Variants in SHC4 observed in about 807,000 individuals in gnomAD.
The protein encoded by SHC4 is SHC adaptor protein 4.
SHC4 carries 41 observed loss-of-function variants against 69.4 expected under a neutral mutation model. That is an observed-to-expected ratio of 0.59 (90% CI 0.46 to 0.77). The LOEUF is 0.77. Among genes scored for constraint, SHC4 ranks in the 30% least tolerant of loss-of-function variants. The pLI, the probability that SHC4 is intolerant of heterozygous loss-of-function variation, is 0.00. For synonymous variants in SHC4, 318 were observed against 299.3 expected (o/e 1.06, Z -0.64); for missense variants, 777 against 783.8 (o/e 0.99, Z 0.10).
chr15:48,953,929 T>C (rs1342378087), intron 1 of SHC4, among the ~76,000 whole-genome samples: 1 of 152,182 alleles, frequency 6.6e-6, no homozygotes, highest in African/African-American at 2.4e-5. Flanking sequence ...ACTATAATTT[T>C]TAGAGAATCT....
chr15:48,935,140 A>T (rs1028079457), intron 1 of SHC4, among the ~76,000 whole-genome samples: 1 of 152,238 alleles, frequency 6.6e-6, no homozygotes. Context: ...CCAAACAAGC[A>T]ATATCTGCAG....
At chr15:48,937,119 T>G (rs1023851571) in intron 1 of SHC4, among the ~76,000 whole-genome samples, 6 of 152,256 alleles carry the variant, frequency 3.9e-5, no homozygotes, top group African/African-American at 1.4e-4. Flanking sequence ...ATTCATCATG[T>G]GCCTTTGCAC....
intron 11 of SHC4, among the ~76,000 whole-genome samples, chr15:48,830,987 G>A (rs952826525): frequency 6.6e-6 from 1 of 152,076 alleles, no homozygotes; most frequent in African/African-American, 2.4e-5. Flanking sequence ...TCCTGCCCCT[G>A]TCTAGTGCTA....
chr15:48,841,942 C>G (rs770106279), intron 10 of SHC4, among the ~76,000 whole-genome samples: 5 of 152,138 alleles, frequency 3.3e-5, no homozygotes, highest in Admixed American at 6.5e-5. Flanking sequence ...TAAATTTTGT[C>G]TTGCATTGTA....
In SHC4 at chr15:48,836,568, A is replaced by T. The variant is rs536090431; in HGVS notation, c.1484-1546T>A. On this transcript the variant is annotated intron_variant, in intron 10 of 11. Transcript: ENST00000332408. ...TGTTTCTTTTTTTTTGTTTTTTTTT[A>T]AACACAAAGCGTCTTTGAAATAGAA... Among the ~76,000 whole-genome samples, 5 of 151,428 alleles carry T rather than the reference A, an allele frequency of 3.3e-5. No individual in the cohort carries two copies. In the South Asian group the frequency reaches 8.3e-4, roughly 25 times the overall value.
intron 2 of SHC4, among the ~76,000 whole-genome samples, chr15:48,922,576 G>C (rs1015793504): frequency 1.3e-5 from 2 of 152,264 alleles, no homozygotes; most frequent in African/African-American, 4.8e-5. Flanking sequence ...AATCCCACTC[G>C]TGAGGGCTCT....
intron 1 of SHC4, among the ~76,000 whole-genome samples, chr15:48,956,501 T>C (rs1373442894): frequency 6.6e-6 from 1 of 152,164 alleles, no homozygotes; most frequent in Non-Finnish European, 1.5e-5. Context: ...CCAAGTCCAG[T>C]CAGACCTAGC....
chr15:48,883,038 CA>C (rs1899972419), intron 4 of SHC4, among the ~76,000 whole-genome samples: 1 of 152,138 alleles, frequency 6.6e-6, no homozygotes, highest in Non-Finnish European at 1.5e-5. Flanking sequence ...ACTGCTTAAA[CA>C]GTGTATTTTA....
intron 10 of SHC4, among the ~76,000 whole-genome samples, chr15:48,842,877 C>T (rs1407143458): frequency 2.6e-5 from 4 of 151,932 alleles, no homozygotes; most frequent in East Asian, 1.9e-4. Flanking sequence ...GTTGCAGTGA[C>T]CCGTGATCAT....
intron 2 of SHC4, among the ~76,000 whole-genome samples, chr15:48,906,709 C>T (rs986238863): frequency 6.6e-6 from 1 of 152,174 alleles, no homozygotes; most frequent in African/African-American, 2.4e-5. Context: ...TGGCCCCTGT[C>T]CTTTATTAGT....
At chr15:48,877,751 G>T in intron 4 of SHC4, 1 of 220,486 alleles carries the variant, frequency 4.5e-6, no homozygotes, top group Non-Finnish European at 7.8e-6. Flanking sequence ...GGTTATGGAT[G>T]TTGTCTGGTT....
At chr15:48,888,764 A>C (rs1900082465) in intron 3 of SHC4, among the ~76,000 whole-genome samples, 1 of 151,768 alleles carries the variant, frequency 6.6e-6, no homozygotes. Flanking sequence ...GCATGGTGGC[A>C]CATGATTGCA....
chr15:48,834,879 C>T lies in SHC4; in HGVS notation c.1627G>A (p.Asp543Asn), dbSNP rs768458856. The change falls in exon 11 of 12, where the codon GAT (aspartate) becomes AAT (asparagine). Residue 543 changes from aspartate to asparagine, a missense_variant. Coordinates refer to ENST00000332408, the MANE Select transcript of SHC4 (RefSeq NM_203349.4). Reference sequence around the variant, plus strand: ...CTCTCTCGAACCAAAAAGTCCCCATCCTTTACCAAGAGGCTCTCTGCCGCC... The same window carrying T: ...CTCTCTCGAACCAAAAAGTCCCCATTCTTTACCAAGAGGCTCTCTGCCGCC... ...RKAAESLLVK[D>N]GDFLVRESAT... 1.2e-6 allele frequency: 2 copies of T among 1,614,188 alleles called. No homozygotes were observed. The highest frequency in any genetic ancestry group is 8.5e-7 in the Non-Finnish European group (1 of 1,180,030).
intron 4 of SHC4, chr15:48,878,513 G>A (rs556390836): frequency 1.9e-6 from 3 of 1,614,078 alleles, no homozygotes; most frequent in African/African-American, 2.7e-5. Context: ...CGACTATCCC[G>A]AAGAGGAGCA....
At chr15:48,848,458 T>C (rs1191516039) in intron 9 of SHC4, among the ~76,000 whole-genome samples, 1 of 152,206 alleles carries the variant, frequency 6.6e-6, no homozygotes, top group Non-Finnish European at 1.5e-5. Context: ...AACTTTCTAT[T>C]GTTTTATCTG....
At chr15:48,950,964 T>C (rs1567077712) in intron 1 of SHC4, among the ~76,000 whole-genome samples, 1 of 151,944 alleles carries the variant, frequency 6.6e-6, no homozygotes, top group East Asian at 1.9e-4. Flanking sequence ...CTGGAAACTC[T>C]CTCCACCCTC....
intron 9 of SHC4, among the ~76,000 whole-genome samples, chr15:48,849,376 T>C (rs1480810400): frequency 1.3e-5 from 2 of 152,144 alleles, no homozygotes; most frequent in African/African-American, 4.8e-5. Flanking sequence ...CCAATTAAGT[T>C]AGGTTTCCCC....
chr15:48,926,919 G>A lies in SHC4; in HGVS notation c.586-1970C>T, dbSNP rs150194336. On this transcript the variant is annotated intron_variant, in intron 1 of 11. Coordinates refer to ENST00000332408, the MANE Select transcript of SHC4 (RefSeq NM_203349.4). ...AGTCACACTCAGTTACACTCCTCTT[G>A]GGATCTCTAGTACTGAAACATTTTG... Among the ~76,000 whole-genome samples, 36 of 152,072 alleles carry A rather than the reference G, an allele frequency of 2.4e-4. 1 individual carries two copies. In the East Asian group the frequency reaches 7.0e-3, roughly 29 times the overall value.
intron 3 of SHC4, among the ~76,000 whole-genome samples, chr15:48,887,172 T>A (rs1400574235): frequency 6.6e-6 from 1 of 152,166 alleles, no homozygotes; most frequent in Non-Finnish European, 1.5e-5. Flanking sequence ...CTGCTAATGA[T>A]GCAGTATCTA....
Sources: allele counts gnomAD v4.1 joint callset (sites outside exome capture counted in the v4.1 genomes callset), GRCh38; gene constraint gnomAD v4.1.1; transcripts MANE v1.5; gene names NCBI Gene and HGNC (gene_info 2026-07-23, HGNC 2026-07-21).